The following FBXO34 variants were observed in gnomAD, a reference collection of about 807,000 sequenced individuals.
FBXO34 encodes the protein F-box protein 34, also known as F-box only protein 34.
Under a neutral mutation model 24.5 loss-of-function variants are expected in FBXO34, and 12 were observed. That is an observed-to-expected ratio of 0.49 (90% CI 0.31 to 0.79). The LOEUF (loss-of-function observed/expected upper bound fraction) is 0.79. FBXO34 is among the 30% of genes least tolerant of loss of function. The pLI, the probability that FBXO34 is intolerant of heterozygous loss-of-function variation, is 0.04. For missense variants in FBXO34, 823 were observed against 857.7 expected (o/e 0.96, Z 0.51); for synonymous variants, 320 against 311.9 (o/e 1.03, Z -0.27).
chr14:55,375,490 A>AATTTTTTTTTT, the FBXO34 span, among the ~76,000 whole-genome samples: 2 of 117,798 alleles, frequency 1.7e-5, no homozygotes. Flanking sequence ...GCCGGGCTAA[A>AATTTTTTTTTT]TTTTTTTTTT....
Position 55,288,496 on chromosome 14 carries a change from C to G in FBXO34, c.-11+16959C>G, listed in dbSNP as rs571511687. On this transcript the variant is annotated intron_variant, in intron 1 of 1. Transcript: ENST00000313833. ...CATGAAAAAGGCAAGAGTTTATATT[C>G]ACATATTTTAAAATAGTGTTGAAAA... Among the ~76,000 whole-genome samples, 202 of 152,224 alleles carry G rather than the reference C, an allele frequency of 1.3e-3. 2 individuals carry two copies. The highest frequency in any genetic ancestry group is 4.6e-3 in the African/African-American group (190 of 41,540).
chr14:55,349,993 G>A (rs937580265), intron 1 of FBXO34, among the ~76,000 whole-genome samples: 1 of 152,166 alleles, frequency 6.6e-6, no homozygotes, highest in Non-Finnish European at 1.5e-5. Flanking sequence ...ATCTAGTAGG[G>A]ATCTTGGAGG....
intron 1 of FBXO34, among the ~76,000 whole-genome samples, chr14:55,331,536 A>G (rs1883531727): frequency 7.3e-6 from 1 of 137,458 alleles, no homozygotes; most frequent in African/African-American, 2.6e-5. Flanking sequence ...TTGGAAAACT[A>G]AATTGAGGCG....
At chr14:55,435,899 A>T in the FBXO34 span, 1 of 1,580,734 alleles carries the variant, frequency 6.3e-7, no homozygotes, top group East Asian at 2.3e-5. Flanking sequence ...CTTCAGATCC[A>T]ACTTACAGGC....
intron 1 of FBXO34, among the ~76,000 whole-genome samples, chr14:55,325,427 C>G (rs1171753291): frequency 6.6e-6 from 1 of 151,594 alleles, no homozygotes; most frequent in Non-Finnish European, 1.5e-5. Flanking sequence ...TACAGTCTAA[C>G]ATGTTTATTT....
chr14:55,313,439 G>C (rs574202035), intron 1 of FBXO34, among the ~76,000 whole-genome samples: 1 of 152,234 alleles, frequency 6.6e-6, no homozygotes, highest in African/African-American at 2.4e-5. Flanking sequence ...ACCTTTGCCT[G>C]TTACCCAGTT....
At chr14:55,290,114 G>A (rs185197831) in intron 1 of FBXO34, among the ~76,000 whole-genome samples, 118 of 152,060 alleles carry the variant, frequency 7.8e-4, no homozygotes, top group African/African-American at 2.7e-3. Flanking sequence ...TAATTTGGCC[G>A]GGCATGGTGG....
chr14:55,380,249 A>AAACAACAAC, the FBXO34 span, among the ~76,000 whole-genome samples: 4 of 150,616 alleles, frequency 2.7e-5, no homozygotes, highest in East Asian at 2.0e-4. Context: ...CTCTGTCTCA[A>AAACAACAAC]AACAACAACA....
intron 1 of FBXO34, among the ~76,000 whole-genome samples, chr14:55,323,145 A>G (rs1184123823): frequency 8.3e-6 from 1 of 120,962 alleles, no homozygotes; most frequent in Non-Finnish European, 1.6e-5. Flanking sequence ...AGATCACACC[A>G]CTGCACTCCA....
At chr14:55,311,241 C>G (rs944098624) in intron 1 of FBXO34, among the ~76,000 whole-genome samples, 1 of 152,182 alleles carries the variant, frequency 6.6e-6, no homozygotes, top group Non-Finnish European at 1.5e-5. Context: ...ACAAAACCAT[C>G]AGATCTCGTG....
At chr14:55,435,607 T>G in the FBXO34 span, among the ~76,000 whole-genome samples, 21 of 152,138 alleles carry the variant, frequency 1.4e-4, no homozygotes, top group African/African-American at 4.6e-4. Flanking sequence ...TAAAAAATAT[T>G]TTTGAATGAC....
the FBXO34 span, chr14:55,378,089 T>C: frequency 7.5e-6 from 12 of 1,606,020 alleles, no homozygotes; most frequent in Non-Finnish European, 1.0e-5. Context: ...AAAACAAACA[T>C]ACAATTTATA....
At chr14:55,367,472 G>A (rs1236650990) in exon 3 of FBXO34, 1 of 152,220 alleles carries the variant, frequency 6.6e-6, no homozygotes, top group Non-Finnish European at 1.5e-5. Context: ...GCCGGGCGCG[G>A]TGGCTCAGGC....
chr14:55,426,800 C>A, the FBXO34 span, among the ~76,000 whole-genome samples: 1 of 152,182 alleles, frequency 6.6e-6, no homozygotes, highest in Non-Finnish European at 1.5e-5. Flanking sequence ...GGGCCCACTC[C>A]GTCTGATGTA....
intron 1 of FBXO34, among the ~76,000 whole-genome samples, chr14:55,312,534 A>G (rs1209241520): frequency 1.3e-5 from 2 of 152,168 alleles, no homozygotes; most frequent in African/African-American, 4.8e-5. Flanking sequence ...GCCCTAGCAG[A>G]GGTTCTCCAT....
In FBXO34 at chr14:55,338,900, C is replaced by T. The variant is rs867387465; in HGVS notation, c.-10-11481C>T. Reference sequence around the variant, plus strand: ...CAGCCTGGGCGACAGAGCGAGACTCCATCTCAAAAACAAAAAAAAACAAAA... The same window carrying T: ...CAGCCTGGGCGACAGAGCGAGACTCTATCTCAAAAACAAAAAAAAACAAAA... On this transcript the variant is annotated intron_variant, in intron 1 of 1. Transcript: ENST00000313833. Among the ~76,000 whole-genome samples the T allele has an allele frequency of 5.6e-5, 8 of 143,292 alleles. No individual in the cohort carries two copies. The South Asian group carries it at 1.8e-3, about 32-fold the overall frequency. The allele number at this position is 143,292 out of a possible 152,430, so 94.0% of individuals were successfully genotyped here. A position where few individuals can be genotyped will look rare whatever the true frequency, so the allele number is the denominator to read the frequency against.
At chr14:55,364,487 C>T (rs1884636415), downstream of FBXO34, among the ~76,000 whole-genome samples, 1 of 151,604 alleles carries the variant, frequency 6.6e-6, no homozygotes, top group Non-Finnish European at 1.5e-5. Flanking sequence ...TGCAGTGGTA[C>T]GATCTTGGAT....
the FBXO34 span, among the ~76,000 whole-genome samples, chr14:55,438,501 A>G: frequency 8.1e-3 from 1,239 of 152,228 alleles, 11 homozygotes; most frequent in African/African-American, 0.023. Context: ...CCCAGATGTA[A>G]AGGGTCTCCT....
the FBXO34 span, among the ~76,000 whole-genome samples, chr14:55,404,737 C>T: frequency 6.6e-6 from 1 of 152,074 alleles, no homozygotes; most frequent in East Asian, 1.9e-4. Flanking sequence ...AAAGATACAG[C>T]GCAATCTGTA....
Sources: gnomAD v4.1 joint callset for allele counts (sites outside exome capture counted in the v4.1 genomes callset) on GRCh38, gnomAD v4.1.1 for gene constraint, MANE v1.5 for transcripts, NCBI Gene and HGNC (gene_info 2026-07-23, HGNC 2026-07-21) for gene names.